ERMP1: variants seen among roughly 807,000 people sequenced by gnomAD.
ERMP1 encodes Felix-ina.
ERMP1 carries 86 observed loss-of-function variants against 92.0 expected under a neutral mutation model. The ratio of observed to expected loss-of-function variants is 0.93; its 90% CI spans 0.79 to 1.12. The LOEUF (loss-of-function observed/expected upper bound fraction) is 1.12. Ranked by LOEUF, ERMP1 falls within the 50% of genes most tolerant of loss-of-function variation. The probability of loss-of-function intolerance (pLI) is 0.00; values close to 1 mark genes in which losing one functional copy is unlikely to be tolerated. For synonymous variants in ERMP1, 530 were observed against 412.8 expected, an observed-to-expected ratio of 1.28 and a Z score of -3.44; for missense variants, 1,342 against 1,116.3, an observed-to-expected ratio of 1.20 and a Z score of -2.88.
chr9:5,822,500 T>C (rs1018584095), intron 4 of ERMP1, among the ~76,000 whole-genome samples: 5 of 152,188 alleles, frequency 3.3e-5, no homozygotes, highest in African/African-American at 4.8e-5. Context: ...ATGGAGACTA[T>C]TAAAATATAG....
rs550724795 is a variant in ERMP1, at chr9:5,860,508, G to A, written n.3056-897C>T. 5.9e-5 allele frequency among the ~76,000 whole-genome samples: 9 copies of A among 152,154 alleles called. No individual in the cohort carries two copies. The East Asian group carries it at 1.5e-3, about 26-fold the overall frequency. On this transcript the variant is annotated intron_variant and non_coding_transcript_variant, in intron 5 of 6. Transcript: ENST00000690753. Reference sequence around the variant, plus strand: ...ATGAAGCTCAGAGCCATAACGTATGGGCTCAATTGCTCATAACGTAACCAA... The same window carrying A: ...ATGAAGCTCAGAGCCATAACGTATGAGCTCAATTGCTCATAACGTAACCAA...
chr9:5,858,715 G>A (rs1830416829), intron 6 of ERMP1, among the ~76,000 whole-genome samples: 1 of 152,184 alleles, frequency 6.6e-6, no homozygotes, highest in African/African-American at 2.4e-5. Context: ...ATCATGCATG[G>A]CCCCCTTTTC....
At position 5,805,169 on chromosome 9, in the gene ERMP1, G is replaced by C; in HGVS notation, c.1772C>G (p.Pro591Arg). ...IAFYLLGMFI[P>R]YLYALYLIWA... ...GATGAGGTACAATGCATAAAGATAA[G>C]GAATAAACATCCCCAAAAGGTAAAA... Residue 591 changes from proline (P) to arginine (R), a missense_variant, in exon 10 of 15, where the codon CCT (proline) becomes CGT (arginine). Pro to Arg is a moderately radical substitution (Grantham distance 103). Transcript: ENST00000339450. The C allele has an allele frequency of 6.2e-7, 1 of 1,609,750 alleles. No homozygotes were observed. The highest frequency in any genetic ancestry group is 8.5e-7 in the Non-Finnish European group (1 of 1,178,268).
At chr9:5,801,810 G>A (rs1187005185) in intron 10 of ERMP1, among the ~76,000 whole-genome samples, 4 of 152,146 alleles carry the variant, frequency 2.6e-5, no homozygotes, top group Non-Finnish European at 5.9e-5. Flanking sequence ...TCTGCCAGTG[G>A]ACCTGCATAA....
chr9:5,862,437 A>G (rs971957534), intron 5 of ERMP1, among the ~76,000 whole-genome samples: 1 of 151,716 alleles, frequency 6.6e-6, no homozygotes, highest in Non-Finnish European at 1.5e-5. Context: ...GATTCAAGAG[A>G]TCCTCTCACC....
intron 2 of ERMP1, among the ~76,000 whole-genome samples, chr9:5,827,473 G>A (rs1390822117): frequency 6.6e-6 from 1 of 152,250 alleles, no homozygotes; most frequent in African/African-American, 2.4e-5. Context: ...TAATCTATTT[G>A]ATGAATGTGT....
chr9:5,790,203 G>A (rs1021018652), intron 13 of ERMP1, among the ~76,000 whole-genome samples: 5 of 145,540 alleles, frequency 3.4e-5, no homozygotes, highest in South Asian at 4.3e-4. Context: ...CCCCTGAGAC[G>A]GAGTCTCGTT....
Position 5,823,919 on chromosome 9 carries a change from C to A in ERMP1, c.851G>T (p.Gly284Val). 6.2e-7 allele frequency: 1 copy of A among 1,613,318 alleles called. No homozygotes were observed. ...FINLEAAGVG[G>V]KELVFQTGPE... ...ACCTGTTTGGAATACAAGTTCTTTC[C>A]CTCCTACACCTGCTGCCTCTAGGTT... The change falls in exon 4 of 15, where the codon GGG (glycine) becomes GTG (valine). Residue 284 changes from glycine (G) to valine (V), a missense_variant. Physicochemically the swap from Gly to Val is moderately radical, Grantham distance 109. Transcript: ENST00000339450.
chr9:5,825,308 G>C (rs1829691433), intron 2 of ERMP1, 89 bp from the exon 3 acceptor site: 1 of 1,298,728 alleles, frequency 7.7e-7, no homozygotes, highest in East Asian at 2.5e-5. Context: ...TTTCTCCTCA[G>C]AGAAGCATCA....
intron 6 of ERMP1, among the ~76,000 whole-genome samples, chr9:5,846,582 T>C (rs1377563899): frequency 6.6e-6 from 1 of 152,218 alleles, no homozygotes; most frequent in Non-Finnish European, 1.5e-5. Context: ...GTTTCACTCA[T>C]GTATGTGTGA....
intron 6 of ERMP1, among the ~76,000 whole-genome samples, chr9:5,841,714 C>T (rs1269459230): frequency 1.3e-5 from 2 of 152,154 alleles, no homozygotes; most frequent in South Asian, 4.1e-4. Context: ...TCACTTGAAC[C>T]CGGGAGGCAG....
chr9:5,830,968 T>A lies in ERMP1; in HGVS notation c.399A>T (p.Glu133Asp). ...GPRTTGSPENEILTVHYLLEQ... is the reference protein window; with the variant it reads ...GPRTTGSPENDILTVHYLLEQ... Reference sequence around the variant, plus strand: ...CCAAAAGGTAGTGCACGGTCAGAATTTCATTTTCTGGACTTCCTGTAGTCC... The same window carrying A: ...CCAAAAGGTAGTGCACGGTCAGAATATCATTTTCTGGACTTCCTGTAGTCC... Residue 133 changes from glutamate to aspartate, a missense_variant, in exon 2 of 15, where the codon GAA (glutamate) becomes GAT (aspartate). By Grantham distance (45) the Glu-to-Asp change is conservative. Coordinates refer to ENST00000339450, the MANE Select transcript of ERMP1 (RefSeq NM_024896.3). 1 of 1,614,164 alleles carries A rather than the reference T, an allele frequency of 6.2e-7. No individual in the cohort carries two copies. Among genetic ancestry groups the A allele is most frequent in the Non-Finnish European group, 8.5e-7 (1 of 1,180,000 alleles).
intron 6 of ERMP1, among the ~76,000 whole-genome samples, chr9:5,848,188 C>T (rs1830262201): frequency 6.6e-6 from 1 of 152,144 alleles, no homozygotes; most frequent in Non-Finnish European, 1.5e-5. Context: ...ATGTGATTAA[C>T]TTAAGGACCT....
At chr9:5,835,074 C>T (rs549790587), upstream of ERMP1, among the ~76,000 whole-genome samples, 6 of 149,208 alleles carry the variant, frequency 4.0e-5, no homozygotes, top group East Asian at 1.0e-3. Context: ...TCAGAATTTT[C>T]CTTCTCATGA....
intron 6 of ERMP1, among the ~76,000 whole-genome samples, chr9:5,838,633 C>A (rs1283408184): frequency 6.6e-6 from 1 of 151,438 alleles, no homozygotes; most frequent in Non-Finnish European, 1.5e-5. Flanking sequence ...CAAAAGGATA[C>A]TCATCTGTAA....
chr9:5,804,397 G>GA (rs1048001440), intron 10 of ERMP1, among the ~76,000 whole-genome samples: 4 of 151,994 alleles, frequency 2.6e-5, no homozygotes, highest in Non-Finnish European at 4.4e-5. Context: ...CCCAAGGGAA[G>GA]AAAAAAAGGG....
chr9:5,857,644 A>G (rs998663382), intron 6 of ERMP1, among the ~76,000 whole-genome samples: 1 of 152,198 alleles, frequency 6.6e-6, no homozygotes, highest in Non-Finnish European at 1.5e-5. Context: ...ACCATCTTAT[A>G]AAGGTCAACT....
In ERMP1 at chr9:5,812,919, G is replaced by T. The variant is rs773065056; in HGVS notation, c.991C>A (p.Arg331Ser). 6.2e-7 allele frequency: 1 copy of T among 1,613,854 alleles called. No individual in the cohort carries two copies. Among genetic ancestry groups the T allele is most frequent in the South Asian group, 1.1e-5 (1 of 91,072 alleles). ...SGIIPSDTDF[R>S]IYRDFGNIPG... ...ATGTTCCCAAAATCCCTGTAGATAC[G>T]AAAGTCAGTATCTGAAGGAATGATT... is the stretch of plus-strand genomic sequence containing the variant. Residue 331 changes from arginine (R) to serine (S), a missense_variant, in exon 5 of 15, where the codon CGT (arginine) becomes AGT (serine). Physicochemically the swap from Arg to Ser is moderately radical, Grantham distance 110 (BLOSUM62 -1). Coordinates refer to ENST00000339450, the MANE Select transcript of ERMP1 (RefSeq NM_024896.3).
chr9:5,813,356 G>A (rs1040226110), intron 4 of ERMP1, among the ~76,000 whole-genome samples: 1 of 152,004 alleles, frequency 6.6e-6, no homozygotes, highest in East Asian at 1.9e-4. Context: ...TACTAATGTA[G>A]AATTGTGTGT....
Sources: gnomAD v4.1 joint callset for allele counts (sites outside exome capture counted in the v4.1 genomes callset) on GRCh38, gnomAD v4.1.1 for gene constraint, MANE v1.5 for transcripts, NCBI Gene and HGNC (gene_info 2026-07-23, HGNC 2026-07-21) for gene names.